CAMK2D: variants seen among roughly 807,000 people sequenced by gnomAD.
The protein encoded by CAMK2D is calcium/calmodulin dependent protein kinase II delta, also known as calcium/calmodulin-dependent protein kinase type II subunit delta.
In CAMK2D, 37 loss-of-function variants were observed where a neutral mutation model predicts 84.0. The ratio of observed to expected loss-of-function variants is 0.44; its 90% CI spans 0.34 to 0.58. CAMK2D has a LOEUF of 0.58. Ranked by LOEUF, CAMK2D falls within the 20% of genes least tolerant of loss-of-function variation. CAMK2D has a pLI of 0.02. For missense variants in CAMK2D, 448 were observed against 652.5 expected (o/e 0.69, Z 3.41); for synonymous variants, 202 against 212.5 (o/e 0.95, Z 0.43).
At chr4:113,753,722 T>C in intron 2 of CAMK2D, 1 of 832,906 alleles carries the variant, frequency 1.2e-6, no homozygotes, top group Non-Finnish European at 1.4e-6. Context: ...AACATTTTGT[T>C]ATAATCAGAT....
At chr4:113,710,845 TTTAATAA>T (rs2099490070) in intron 2 of CAMK2D, among the ~76,000 whole-genome samples, 2 of 152,296 alleles carry the variant, frequency 1.3e-5, no homozygotes, top group African/African-American at 4.8e-5. Flanking sequence ...GGGAAACTGC[TTTAATAA>T]GCTCTCAAGT....
At position 113,517,533 on chromosome 4, in the gene CAMK2D, T is replaced by C; in HGVS notation, c.696+30A>G. ...TCAACAGGCAAAAGACAAACCTTCATCTAAAGTGATATAAATAGTTATTAC... is the reference window on the plus strand; with the variant it reads ...TCAACAGGCAAAAGACAAACCTTCACCTAAAGTGATATAAATAGTTATTAC... On this transcript the variant is annotated intron_variant, in intron 9 of 20. Transcript: ENST00000511664. 5.7e-6 allele frequency: 6 copies of C among 1,044,628 alleles called. No homozygotes were observed. In the South Asian group the frequency reaches 6.0e-5, roughly 11 times the overall value. The allele number at this position is 1,044,628 out of a possible 1,614,324, so 64.7% of individuals were successfully genotyped here. A position where few individuals can be genotyped will look rare whatever the true frequency, so the allele number is the denominator to read the frequency against.
intron 16 of CAMK2D, among the ~76,000 whole-genome samples, chr4:113,479,886 ATTG>A (rs1443038867): frequency 6.6e-6 from 1 of 152,138 alleles, no homozygotes; most frequent in Non-Finnish European, 1.5e-5. Context: ...ATGCTCTCTT[ATTG>A]TTATTATTAT....
At chr4:113,500,398 C>CT (rs200061432) in intron 16 of CAMK2D, 65 bp downstream of exon 16, 1,001 of 945,958 alleles carry the variant, frequency 1.1e-3, no homozygotes, top group South Asian at 1.6e-3. Flanking sequence ...ATTTGAAGCA[C>CT]TTTTTTTTTC....
rs763448532 is a variant in CAMK2D, at chr4:113,761,060, C to G, written c.9G>C (p.Ser3=). Residue 3 remains serine, a synonymous_variant, in exon 1 of 21, where the codon TCG becomes TCC. Coordinates refer to ENST00000511664, the MANE Select transcript of CAMK2D (RefSeq NM_001321571.2). ...CCGTGAACCTGGTGCAGGTTGTGGTCGAAGCCATCCTCGGTCCGGGCTGTG... is the reference window on the plus strand; with the variant it reads ...CCGTGAACCTGGTGCAGGTTGTGGTGGAAGCCATCCTCGGTCCGGGCTGTG... MA[S]TTTCTRFTDE... 4 of 1,614,142 alleles carry G rather than the reference C, an allele frequency of 2.5e-6. No homozygotes were observed. The highest frequency in any genetic ancestry group is 1.1e-5 in the South Asian group (1 of 91,068).
chr4:113,670,516 A>C (rs1272304470), intron 2 of CAMK2D, among the ~76,000 whole-genome samples: 1 of 152,006 alleles, frequency 6.6e-6, no homozygotes, highest in Non-Finnish European at 1.5e-5. Context: ...TAGAGGACTG[A>C]TGAGATAAAT....
At chr4:113,688,891 T>C (rs2099368506) in intron 2 of CAMK2D, among the ~76,000 whole-genome samples, 1 of 68,944 alleles carries the variant, frequency 1.5e-5, no homozygotes, top group Non-Finnish European at 2.9e-5. Flanking sequence ...CAAAAACAGA[T>C]TAATATACAA....
intron 3 of CAMK2D, among the ~76,000 whole-genome samples, chr4:113,641,048 C>T (rs1296009834): frequency 6.6e-6 from 1 of 152,196 alleles, no homozygotes; most frequent in Non-Finnish European, 1.5e-5. Context: ...CTTTGAACTG[C>T]TGAGTATTTT....
intron 16 of CAMK2D, among the ~76,000 whole-genome samples, chr4:113,479,673 G>A (rs2097674938): frequency 6.6e-6 from 1 of 152,158 alleles, no homozygotes; most frequent in South Asian, 2.1e-4. Context: ...GCAGCTTTAT[G>A]TAGTTTGGGT....
chr4:113,475,285 A>T (rs918462852), intron 16 of CAMK2D, among the ~76,000 whole-genome samples: 1 of 152,168 alleles, frequency 6.6e-6, no homozygotes, highest in African/African-American at 2.4e-5. Context: ...GCTGAAGAGC[A>T]TGTCCTCTCT....
intron 8 of CAMK2D, among the ~76,000 whole-genome samples, chr4:113,524,381 C>A (rs768459158): frequency 6.6e-6 from 1 of 152,086 alleles, no homozygotes; most frequent in Non-Finnish European, 1.5e-5. Context: ...TGAGTAGAAT[C>A]ATAATAATAT....
intron 2 of CAMK2D, among the ~76,000 whole-genome samples, chr4:113,705,692 T>C (rs1318241188): frequency 1.3e-5 from 2 of 152,236 alleles, no homozygotes; most frequent in Admixed American, 1.3e-4. Flanking sequence ...CAAAGGTAGC[T>C]TTTGCTTTCT....
chr4:113,559,043 A>G (rs199751063), intron 4 of CAMK2D, among the ~76,000 whole-genome samples: 56 of 152,286 alleles, frequency 3.7e-4, no homozygotes, highest in Admixed American at 6.5e-4. Flanking sequence ...GATTACTAAC[A>G]TGTCATGCAT....
chr4:113,542,228 T>C (rs532996577), intron 6 of CAMK2D, among the ~76,000 whole-genome samples: 47 of 152,316 alleles, frequency 3.1e-4, no homozygotes, highest in Non-Finnish European at 5.7e-4. Flanking sequence ...AAAGAAATAC[T>C]GGAATGGCTA....
intron 2 of CAMK2D, among the ~76,000 whole-genome samples, chr4:113,738,221 AACT>A (rs939185019): frequency 6.6e-6 from 1 of 151,250 alleles, no homozygotes; most frequent in African/African-American, 2.4e-5. Flanking sequence ...AAAAAAAAAA[AACT>A]ACTGTGAGAA....
At chr4:113,621,300 T>C (rs530682210) in intron 3 of CAMK2D, among the ~76,000 whole-genome samples, 2 of 152,322 alleles carry the variant, frequency 1.3e-5, no homozygotes, top group South Asian at 2.1e-4. Flanking sequence ...CTAGTTCTTA[T>C]ATGCCAGATG....
At chr4:113,751,756 CGA>C (rs1232913938) in intron 2 of CAMK2D, among the ~76,000 whole-genome samples, 1 of 151,754 alleles carries the variant, frequency 6.6e-6, no homozygotes, top group Non-Finnish European at 1.5e-5. Context: ...GGCGACAGAG[CGA>C]GACTCTGTCT....
chr4:113,716,466 A>G (rs1472534949), intron 2 of CAMK2D, among the ~76,000 whole-genome samples: 1 of 152,018 alleles, frequency 6.6e-6, no homozygotes, highest in East Asian at 1.9e-4. Context: ...CCTCACCAAC[A>G]TGGCAAAACC....
intron 18 of CAMK2D, among the ~76,000 whole-genome samples, chr4:113,459,273 C>T (rs550441015): frequency 6.6e-6 from 1 of 152,170 alleles, no homozygotes; most frequent in African/African-American, 2.4e-5. Context: ...GGCAGGAGTC[C>T]AGTGGCATGA....
Sources: gnomAD v4.1 joint callset for allele counts (sites outside exome capture counted in the v4.1 genomes callset) on GRCh38, gnomAD v4.1.1 for gene constraint, MANE v1.5 for transcripts, NCBI Gene and HGNC (gene_info 2026-07-23, HGNC 2026-07-21) for gene names.